The following DCC variants were observed in gnomAD, a reference collection of about 807,000 sequenced individuals.
The protein encoded by DCC is DCC netrin 1 receptor.
DCC carries 58 observed loss-of-function variants against 172.5 expected under a neutral mutation model. The observed-to-expected ratio is 0.34, with a 90% CI of 0.27 to 0.42. The LOEUF is 0.42. Ranked by LOEUF, DCC falls within the 10% of genes least tolerant of loss-of-function variation. The pLI is 1.00. For missense variants in DCC, 1,740 were observed against 1,791.0 expected, an observed-to-expected ratio of 0.97 and a Z score of 0.51; for synonymous variants, 709 against 644.5, an observed-to-expected ratio of 1.10 and a Z score of -1.52.
At chr18:53,266,410 T>A (rs1043807432) in intron 12 of DCC, among the ~76,000 whole-genome samples, 1 of 152,170 alleles carries the variant, frequency 6.6e-6, no homozygotes, top group African/African-American at 2.4e-5. Flanking sequence ...TGTTATTTGA[T>A]TTTGCTTTTT....
intron 1 of DCC, among the ~76,000 whole-genome samples, chr18:52,570,806 C>T (rs1041010806): frequency 2.0e-5 from 3 of 152,072 alleles, no homozygotes; most frequent in African/African-American, 7.2e-5. Flanking sequence ...TGCTGAATTC[C>T]TTTCCGTTAT....
intron 25 of DCC, among the ~76,000 whole-genome samples, chr18:53,477,342 C>T (rs1230877934): frequency 6.6e-6 from 1 of 152,002 alleles, no homozygotes; most frequent in African/African-American, 2.4e-5. Flanking sequence ...ATAAAATAGC[C>T]CTTTGCATCT....
intron 2 of DCC, among the ~76,000 whole-genome samples, chr18:52,822,204 G>A (rs2038419405): frequency 6.7e-6 from 1 of 150,122 alleles, no homozygotes; most frequent in Non-Finnish European, 1.5e-5. Flanking sequence ...AACTGGTTTT[G>A]TGAAACTATG....
chr18:52,512,505 T>C (rs2031479254), intron 1 of DCC, among the ~76,000 whole-genome samples: 1 of 152,254 alleles, frequency 6.6e-6, no homozygotes, highest in Non-Finnish European at 1.5e-5. Context: ...TTTTTGGCTT[T>C]AAATTTTAAT....
intron 7 of DCC, among the ~76,000 whole-genome samples, chr18:53,134,598 C>G (rs959901916): frequency 6.6e-6 from 1 of 152,084 alleles, no homozygotes; most frequent in South Asian, 2.1e-4. Flanking sequence ...TTTTACCTAG[C>G]CAGTTGGTAG....
At chr18:52,795,421 C>T (rs976105636) in intron 2 of DCC, among the ~76,000 whole-genome samples, 1 of 151,932 alleles carries the variant, frequency 6.6e-6, no homozygotes, top group Non-Finnish European at 1.5e-5. Flanking sequence ...TATTAATAGT[C>T]TCTAATGATC....
At chr18:53,098,412 A>C (rs994930864) in intron 7 of DCC, among the ~76,000 whole-genome samples, 2 of 152,170 alleles carry the variant, frequency 1.3e-5, no homozygotes, top group African/African-American at 4.8e-5. Context: ...AGTTTCTTTC[A>C]ATCTGTAACA....
chr18:52,435,580 T>C (rs1619323), intron 1 of DCC, among the ~76,000 whole-genome samples: 22,367 of 152,004 alleles, frequency 0.15, 2,082 homozygotes, highest in Middle Eastern at 0.24. Flanking sequence ...TCTTGAAGGG[T>C]TGAGCTGTCT....
chr18:53,064,386 A>G (rs1294684259), intron 6 of DCC, among the ~76,000 whole-genome samples: 1 of 152,174 alleles, frequency 6.6e-6, no homozygotes, highest in Non-Finnish European at 1.5e-5. Context: ...CAGCTACAGA[A>G]GAGGGTTTTA....
At chr18:52,822,427 T>G (rs558360437) in intron 2 of DCC, among the ~76,000 whole-genome samples, 1 of 152,230 alleles carries the variant, frequency 6.6e-6, no homozygotes, top group African/African-American at 2.4e-5. Context: ...GAAGTCTATT[T>G]ATAGCTCAGA....
At chr18:52,930,765 C>A (rs978336004) in intron 5 of DCC, among the ~76,000 whole-genome samples, 1 of 152,082 alleles carries the variant, frequency 6.6e-6, no homozygotes, top group African/African-American at 2.4e-5. Flanking sequence ...TACAGAAACT[C>A]TTTATGTAAG....
At chr18:53,526,947 A>C in intron 28 of DCC, 188 bp downstream of exon 28, 2 of 630,940 alleles carry the variant, frequency 3.2e-6, no homozygotes. Flanking sequence ...TATGAAAAAA[A>C]ATTATGTCAG....
chr18:52,696,714 G>A (rs1257848148), intron 1 of DCC, among the ~76,000 whole-genome samples: 1 of 152,148 alleles, frequency 6.6e-6, no homozygotes, highest in Non-Finnish European at 1.5e-5. Context: ...TGAATGACGG[G>A]ATATTTGACC....
At chr18:52,464,704 A>G (rs992001953) in intron 1 of DCC, among the ~76,000 whole-genome samples, 3 of 152,072 alleles carry the variant, frequency 2.0e-5, no homozygotes, top group African/African-American at 7.2e-5. Flanking sequence ...GCAGTGAGAA[A>G]TCACAGGGAG....
intron 15 of DCC, among the ~76,000 whole-genome samples, chr18:53,379,515 G>A (rs1050782284): frequency 3.3e-5 from 5 of 152,162 alleles, no homozygotes; most frequent in Non-Finnish European, 7.3e-5. Flanking sequence ...CAGCCCCAGA[G>A]AAAGACATTC....
intron 12 of DCC, among the ~76,000 whole-genome samples, chr18:53,275,182 A>C (rs1364341919): frequency 6.6e-6 from 1 of 152,166 alleles, no homozygotes; most frequent in Non-Finnish European, 1.5e-5. Context: ...TCCCATCTTA[A>C]GAGATAAAAC....
chr18:53,410,359 T>A, intron 19 of DCC, 93 bp from the exon 20 acceptor site: 5 of 793,888 alleles, frequency 6.3e-6, no homozygotes, highest in Non-Finnish European at 1.1e-5. Flanking sequence ...ATATAATAAT[T>A]ATTGTAAATT....
intron 8 of DCC, among the ~76,000 whole-genome samples, chr18:53,174,948 T>C (rs1437640229): frequency 3.3e-5 from 5 of 152,098 alleles, no homozygotes; most frequent in African/African-American, 9.7e-5. Flanking sequence ...GCAAAACGAA[T>C]CCATCAGCAC....
At chr18:52,838,283 A>G (rs1171608591) in intron 2 of DCC, among the ~76,000 whole-genome samples, 1 of 152,136 alleles carries the variant, frequency 6.6e-6, no homozygotes, top group Non-Finnish European at 1.5e-5. Context: ...TACCAAGAAT[A>G]TTTTATGTTG....
Sources: gnomAD v4.1 joint callset for allele counts (sites outside exome capture counted in the v4.1 genomes callset) on GRCh38, gnomAD v4.1.1 for gene constraint, MANE v1.5 for transcripts, NCBI Gene and HGNC (gene_info 2026-07-23, HGNC 2026-07-21) for gene names.